Variants in TJP2 observed in about 807,000 individuals in gnomAD.
The protein encoded by TJP2 is tight junction protein 2, also known as Friedreich ataxia region gene X104 (tight junction protein ZO-2).
A neutral mutation model predicts 133.1 loss-of-function variants in TJP2; 91 were observed. The ratio of observed to expected loss-of-function variants is 0.68; its 90% CI spans 0.58 to 0.81. TJP2 has a LOEUF of 0.81. Ranked by LOEUF, TJP2 falls within the 40% of genes least tolerant of loss-of-function variation. TJP2 has a pLI of 0.00. For synonymous variants in TJP2, 592 were observed against 583.4 expected, an observed-to-expected ratio of 1.01 and a Z score of -0.21; for missense variants, 1,541 against 1,565.6, an observed-to-expected ratio of 0.98 and a Z score of 0.26.
chr9:69,129,730 A>C (rs958480716), intron 1 of TJP2, among the ~76,000 whole-genome samples: 9 of 152,126 alleles, frequency 5.9e-5, no homozygotes, highest in African/African-American at 2.2e-4. Context: ...TGAGGTCAGG[A>C]GTTCGAGACC....
At chr9:69,211,420 T>C (rs1827905037) in intron 1 of TJP2, among the ~76,000 whole-genome samples, 1 of 152,254 alleles carries the variant, frequency 6.6e-6, no homozygotes, top group Admixed American at 6.5e-5. Flanking sequence ...ATTTCAAATA[T>C]TTAAAGTCTT....
At chr9:69,161,121 C>T (rs577535062) in intron 2 of TJP2, among the ~76,000 whole-genome samples, 6 of 152,290 alleles carry the variant, frequency 3.9e-5, no homozygotes, top group African/African-American at 1.4e-4. Flanking sequence ...CAAGGGGCTT[C>T]AACGGATGGG....
intron 15 of TJP2, among the ~76,000 whole-genome samples, chr9:69,238,245 C>G (rs1830336066): frequency 6.6e-6 from 1 of 152,094 alleles, no homozygotes; most frequent in African/African-American, 2.4e-5. Context: ...GGACTTTCTC[C>G]CACATAACTG....
chr9:69,132,979 T>A (rs35490502), intron 1 of TJP2, among the ~76,000 whole-genome samples: 68,275 of 151,654 alleles, frequency 0.45, 15,469 homozygotes, highest in East Asian at 0.62. Flanking sequence ...GCCTTTTTTT[T>A]AAGATAGGGT....
chr9:69,209,197 A>G (rs7857404), intron 1 of TJP2, among the ~76,000 whole-genome samples: 77,258 of 151,874 alleles, frequency 0.51, 20,130 homozygotes, highest in East Asian at 0.63. Context: ...CAGTGGCGCA[A>G]TCTCAGCTCA....
intron 2 of TJP2, 27 bp downstream of exon 2, chr9:69,212,628 TAC>T (rs1828004687): frequency 6.4e-7 from 1 of 1,568,424 alleles, no homozygotes; most frequent in Non-Finnish European, 8.8e-7. Context: ...TCATATATTC[TAC>T]AGTCATGTTC....
intron 2 of TJP2, chr9:69,151,817 C>G: frequency 1.6e-6 from 2 of 1,231,796 alleles, no homozygotes; most frequent in Non-Finnish European, 2.0e-6. Flanking sequence ...CTGGTCTCCC[C>G]CAAAATTTGT....
At chr9:69,137,319 CTTTTCTTTTCTTTTT>C (rs879873924) in intron 1 of TJP2, among the ~76,000 whole-genome samples, 19 of 60,778 alleles carry the variant, frequency 3.1e-4, no homozygotes, top group African/African-American at 1.1e-3. Context: ...CTTTTCTTTT[CTTTTCTTTTCTTTTT>C]TTTTTTTGAG....
At chr9:69,220,342 G>A (rs1440682738) in intron 4 of TJP2, among the ~76,000 whole-genome samples, 1 of 152,146 alleles carries the variant, frequency 6.6e-6, no homozygotes, top group African/African-American at 2.4e-5. Context: ...AGTGTATTTG[G>A]AATATCCATC....
chr9:69,147,777 A>T (rs2133321157), intron 1 of TJP2, among the ~76,000 whole-genome samples: 1 of 152,306 alleles, frequency 6.6e-6, no homozygotes. Flanking sequence ...TAATAAGGGA[A>T]GTTGAATGTG....
At chr9:69,248,488 C>T in intron 19 of TJP2, 1 of 1,318,598 alleles carries the variant, frequency 7.6e-7, no homozygotes, top group Non-Finnish European at 9.7e-7. Flanking sequence ...AACAGAATGG[C>T]TTTAGGTGCC....
intron 17 of TJP2, 149 bp from the exon 18 acceptor site, chr9:69,246,541 G>A: frequency 2.8e-6 from 2 of 718,172 alleles, no homozygotes; most frequent in Non-Finnish European, 5.0e-6. Context: ...TCATTAAAAG[G>A]GTTTTAATAT....
chr9:69,211,086 T>A (rs1462711369), intron 1 of TJP2, among the ~76,000 whole-genome samples: 1 of 152,212 alleles, frequency 6.6e-6, no homozygotes, highest in Non-Finnish European at 1.5e-5. Context: ...ATGCCTGTAA[T>A]CCCAGCACTT....
chr9:69,205,305 C>T (rs979424744), intron 1 of TJP2: 4 of 1,536,128 alleles, frequency 2.6e-6, no homozygotes, highest in Non-Finnish European at 3.5e-6. Context: ...GAAGCAAAAC[C>T]ATTCTCACAG....
intron 2 of TJP2, among the ~76,000 whole-genome samples, chr9:69,161,561 A>G (rs1484911690): frequency 2.0e-5 from 3 of 152,028 alleles, no homozygotes; most frequent in South Asian, 2.1e-4. Context: ...GGGGCAGAGT[A>G]TATGTGGGGC....
At chr9:69,246,486 T>C (rs534214640) in intron 17 of TJP2, 1 of 592,192 alleles carries the variant, frequency 1.7e-6, no homozygotes, top group East Asian at 3.1e-5. Flanking sequence ...CATCCACCTA[T>C]AATGTGAACT....
intron 8 of TJP2, 44 bp downstream of exon 8, chr9:69,227,917 T>TAC (rs1194575476): frequency 6.2e-7 from 1 of 1,613,106 alleles, no homozygotes; most frequent in African/African-American, 1.3e-5. Context: ...ATTGTGAATG[T>TAC]ACACACATAT....
chr9:69,158,829 G>T (rs74745490), intron 2 of TJP2, among the ~76,000 whole-genome samples: 2,702 of 152,148 alleles, frequency 0.018, 85 homozygotes, highest in African/African-American at 0.062. Context: ...GGCTGGAATG[G>T]GGGGGTTCTT....
chr9:69,230,295 C>A, intron 11 of TJP2, 63 bp downstream of exon 11: 1 of 1,605,416 alleles, frequency 6.2e-7, no homozygotes, highest in Non-Finnish European at 8.5e-7. Context: ...TCTGGGTGTT[C>A]TTTCTGTAAG....
Sources: allele counts gnomAD v4.1 joint callset (sites outside exome capture counted in the v4.1 genomes callset), GRCh38; gene constraint gnomAD v4.1.1; transcripts MANE v1.5; gene names NCBI Gene and HGNC (gene_info 2026-07-23, HGNC 2026-07-21).